OR10W1: variants seen among roughly 807,000 people sequenced by gnomAD.
OR10W1 encodes the protein olfactory receptor family 10 subfamily W member 1.
For missense variants in OR10W1, 406 were observed against 365.8 expected, an observed-to-expected ratio of 1.11 and a Z score of -0.90; for synonymous variants, 152 against 151.6, an observed-to-expected ratio of 1.00 and a Z score of -0.02.
In OR10W1 at chr11:58,267,319, A is replaced by G. The variant is rs762039053; in HGVS notation, c.540T>C (p.Cys180=). 2 of 1,614,142 alleles carry G rather than the reference A, an allele frequency of 1.2e-6. No individual in the cohort carries two copies. Among genetic ancestry groups the G allele is most frequent in the East Asian group, 2.2e-5 (1 of 44,834 alleles). Residue 180 remains cysteine, a synonymous_variant, in exon 1 of 1, where the codon TGT becomes TGC. Transcript: ENST00000395079. ...CDVPPVMHVV[C]AQSHIHEQSV... The stretch of plus-strand genomic sequence containing the variant: ...ACTGCTCATGAATGTGACTCTGAGC[A>G]CAAACAACATGCATGACTGGTGGCA...
Position 58,267,142 on chromosome 11 carries a change from C to A in OR10W1, c.717G>T (p.Val239=). 1 of 1,614,082 alleles carries A rather than the reference C, an allele frequency of 6.2e-7. No homozygotes were observed. The highest frequency in any genetic ancestry group is 8.5e-7 in the Non-Finnish European group (1 of 1,179,980). ...AGGCACAGCAGCCATACTGCAGCAG[C>A]ACCACAGTGAGGTGGGAAGAGCAGG... The part of the protein sequence containing the change: ...FSTCSSHLTV[V]LLQYGCCAFM... The change falls in exon 1 of 1, where the codon GTG becomes GTT. Residue 239 remains valine (V), a synonymous_variant. Transcript: ENST00000395079.
Position 58,268,145 on chromosome 11 carries a change from T to G in OR10W1, c.-287A>C. The G allele has an allele frequency of 2.8e-6, 1 of 356,748 alleles. No individual in the cohort carries two copies. The highest frequency in any genetic ancestry group is 4.6e-5 in the East Asian group (1 of 21,608). The allele number at this position is 356,748 out of a possible 1,614,324, so 22.1% of individuals were successfully genotyped here. ...TATTGAAGAAAAATGGCAGAGGAAG[T>G]GGGTGGGATTCAGGAGCTATTTTCA... On this transcript the variant is annotated 5_prime_UTR_variant, in exon 1 of 1. Coordinates refer to ENST00000395079, the MANE Select transcript of OR10W1 (RefSeq NM_207374.3).
In OR10W1 at chr11:58,267,388, C is replaced by T. The variant is rs376695650; in HGVS notation, c.471G>A (p.Leu157=). Reference sequence around the variant, plus strand: ...CAATGCCCTGAGCCTGGCAGAATGGCAGAGAGAAGATGAAGGCCACCAGTT... The same window carrying T: ...CAATGCCCTGAGCCTGGCAGAATGGTAGAGAGAAGATGAAGGCCACCAGTT... ...SLQLVAFIFS[L]PFCQAQGIEH... The change falls in exon 1 of 1, where the codon CTG becomes CTA. Residue 157 remains leucine, a synonymous_variant. Coordinates refer to ENST00000395079, the MANE Select transcript of OR10W1 (RefSeq NM_207374.3). 9 of 1,613,694 alleles carry T rather than the reference C, an allele frequency of 5.6e-6. No homozygotes were observed. In the South Asian group the frequency reaches 8.8e-5, roughly 16 times the overall value.
At position 58,267,865 on chromosome 11, in the gene OR10W1, T is replaced by C. The variant is rs1853564692; in HGVS notation, c.-7A>G. 1 of 1,604,284 alleles carries C rather than the reference T, an allele frequency of 6.2e-7. No homozygotes were observed. Among genetic ancestry groups the C allele is most frequent in the African/African-American group, 1.3e-5 (1 of 74,720 alleles). ...CCAGGAACACAAATTCCATCAACACTGAGTGATTTTCCCAGGTAATTGAGC... is the reference window on the plus strand; with the variant it reads ...CCAGGAACACAAATTCCATCAACACCGAGTGATTTTCCCAGGTAATTGAGC... On this transcript the variant is annotated 5_prime_UTR_variant, in exon 1 of 1. Transcript: ENST00000395079.
rs749367107 is a variant in OR10W1 at position 58,267,607 on chromosome 11, A to G, written c.252T>C (p.Thr84=). ...ANTLQSEKTI[T]LLGCATQMAF... The stretch of plus-strand genomic sequence containing the variant: ...CCATCTGGGTGGCACAGCCCAGGAG[A>G]GTGATGGTCTTCTCTGACTGTAGGG... Residue 84 remains threonine, a synonymous_variant, in exon 1 of 1, where the codon ACT becomes ACC. Coordinates refer to ENST00000395079, the MANE Select transcript of OR10W1 (RefSeq NM_207374.3). The G allele has an allele frequency of 6.2e-7, 1 of 1,614,104 alleles. No individual in the cohort carries two copies. The highest frequency in any genetic ancestry group is 8.5e-7 in the Non-Finnish European group (1 of 1,180,010).
rs758935203 is a variant in OR10W1, at chr11:58,267,484, G to A, written c.375C>T (p.Leu125=). Residue 125 remains leucine, a synonymous_variant, in exon 1 of 1, where the codon CTC becomes CTT. Coordinates refer to ENST00000395079, the MANE Select transcript of OR10W1 (RefSeq NM_207374.3). ...VAICHPLQYP[L]LMTLTLCVHL... ...GGACACAAAGAGTCAATGTCATGAG[G>A]AGAGGGTACTGCAACGGGTGGCAAA... 10 of 1,613,992 alleles carry A rather than the reference G, an allele frequency of 6.2e-6. No homozygotes were observed. Among genetic ancestry groups the A allele is most frequent in the Middle Eastern group, 1.6e-4 (1 of 6,084 alleles).
In OR10W1 at chr11:58,267,704, T is replaced by G; in HGVS notation, c.155A>C (p.Tyr52Ser). 1 of 1,614,008 alleles carries G rather than the reference T, an allele frequency of 6.2e-7. No individual in the cohort carries two copies. The highest frequency in any genetic ancestry group is 1.1e-5 in the South Asian group (1 of 91,070). ...AATCCCAGAAAGGCTGCCCAGGAAA[T>G]AGTACATGGATGTGCATAGACAGGT... ...TETCLCTSMY[Y>S]FLGSLSGIEI... is the part of the protein sequence containing the mutation. The change falls in exon 1 of 1, where the codon TAT (tyrosine) becomes TCT (serine). Residue 52 changes from tyrosine (Y) to serine (S), a missense_variant. Physicochemically the swap from Tyr to Ser is moderately radical, Grantham distance 144 (BLOSUM62 -2). Transcript: ENST00000395079.
rs1228953855 is a variant in OR10W1, at chr11:58,267,941, T to C, written c.-83A>G. 8 of 985,572 alleles carry C rather than the reference T, an allele frequency of 8.1e-6. No homozygotes were observed. Among genetic ancestry groups the C allele is most frequent in the African/African-American group, 8.1e-5 (5 of 61,606 alleles). The allele number at this position is 985,572 out of a possible 1,614,324, so 61.1% of individuals were successfully genotyped here. A position where few individuals can be genotyped will look rare whatever the true frequency, so the allele number is the denominator to read the frequency against. ...ACAAGTACAGAAGGAAGAATCAGAC[T>C]GAAGATAAATTAAGTTACACTCTGA... On this transcript the variant is annotated 5_prime_UTR_variant, in exon 1 of 1. Coordinates refer to ENST00000395079, the MANE Select transcript of OR10W1 (RefSeq NM_207374.3).
rs748314637 is a variant in OR10W1, at chr11:58,267,596, C to G, written c.263G>C (p.Cys88Ser). The change falls in exon 1 of 1, where the codon TGT becomes TCT. Residue 88 changes from cysteine (C) to serine (S), a missense_variant. Cys to Ser is a moderately radical substitution (Grantham distance 112). Transcript: ENST00000395079. ...AATGAAGAAAGCCATCTGGGTGGCA[C>G]AGCCCAGGAGAGTGATGGTCTTCTC... ...QSEKTITLLG[C>S]ATQMAFFIAL... is the part of the protein sequence containing the mutation. 2 of 1,614,154 alleles carry G rather than the reference C, an allele frequency of 1.2e-6. No homozygotes were observed. Among genetic ancestry groups the G allele is most frequent in the Admixed American group, 1.7e-5 (1 of 59,996 alleles).
rs762521626 is a variant in OR10W1, at chr11:58,267,868, G to C, written c.-10C>G. ...GGAACACAAATTCCATCAACACTGAGTGATTTTCCCAGGTAATTGAGCTAA... is the reference window on the plus strand; with the variant it reads ...GGAACACAAATTCCATCAACACTGACTGATTTTCCCAGGTAATTGAGCTAA... On this transcript the variant is annotated 5_prime_UTR_variant, in exon 1 of 1. Coordinates refer to ENST00000395079, the MANE Select transcript of OR10W1 (RefSeq NM_207374.3). 10 of 1,602,304 alleles carry C rather than the reference G, an allele frequency of 6.2e-6. No homozygotes were observed. The South Asian group carries it at 1.1e-4, about 18-fold the overall frequency.
chr11:58,267,174 A>G lies in OR10W1; in HGVS notation c.685T>C (p.Phe229Leu), dbSNP rs1315618004. 1 of 1,614,058 alleles carries G rather than the reference A, an allele frequency of 6.2e-7. No individual in the cohort carries two copies. The highest frequency in any genetic ancestry group is 1.3e-5 in the African/African-American group (1 of 74,920). ...IHSAAGRHRA[F>L]STCSSHLTVV... ...GTGAGGTGGGAAGAGCAGGTGGAGAAGGCCCGGTGGCGGCCAGCAGCCGAG... is the reference window on the plus strand; with the variant it reads ...GTGAGGTGGGAAGAGCAGGTGGAGAGGGCCCGGTGGCGGCCAGCAGCCGAG... Residue 229 changes from phenylalanine (F) to leucine (L), a missense_variant, in exon 1 of 1, where the codon TTC (phenylalanine) becomes CTC (leucine). Coordinates refer to ENST00000395079, the MANE Select transcript of OR10W1 (RefSeq NM_207374.3).
chr11:58,267,301 A>G lies in OR10W1; in HGVS notation c.558T>C (p.His186=). The G allele has an allele frequency of 1.2e-6, 2 of 1,614,164 alleles. No homozygotes were observed. Among genetic ancestry groups the G allele is most frequent in the Non-Finnish European group, 1.7e-6 (2 of 1,180,008 alleles). The change falls in exon 1 of 1, where the codon CAT becomes CAC. Residue 186 remains histidine (H), a synonymous_variant. Coordinates refer to ENST00000395079, the MANE Select transcript of OR10W1 (RefSeq NM_207374.3). The part of the protein sequence containing the change: ...MHVVCAQSHI[H]EQSVLVAAIL... ...TGGCTGCCACCAGCACTGACTGCTC[A>G]TGAATGTGACTCTGAGCACAAACAA...
In OR10W1 at chr11:58,268,058, C is replaced by A; in HGVS notation, c.-200G>T. On this transcript the variant is annotated 5_prime_UTR_variant, in exon 1 of 1. Coordinates refer to ENST00000395079, the MANE Select transcript of OR10W1 (RefSeq NM_207374.3). Reference sequence around the variant, plus strand: ...TTTCTCCACTTTTACCAAGTTTCTCCACATTAATATCTACACCTCAATTTC... The same window carrying A: ...TTTCTCCACTTTTACCAAGTTTCTCAACATTAATATCTACACCTCAATTTC... 1 of 570,846 alleles carries A rather than the reference C, an allele frequency of 1.8e-6. No individual in the cohort carries two copies. Among genetic ancestry groups the A allele is most frequent in the Non-Finnish European group, 3.2e-6 (1 of 313,192 alleles). The allele number at this position is 570,846 out of a possible 1,614,324, so 35.4% of individuals were successfully genotyped here.
rs2120165265 is a variant in OR10W1, at chr11:58,267,560, C to T, written c.299G>A (p.Ser100Asn). 4 of 1,614,174 alleles carry T rather than the reference C, an allele frequency of 2.5e-6. No individual in the cohort carries two copies. The highest frequency in any genetic ancestry group is 3.4e-6 in the Non-Finnish European group (4 of 1,180,026). Residue 100 changes from serine to asparagine, a missense_variant, in exon 1 of 1, where the codon AGT (serine) becomes AAT (asparagine). By Grantham distance (46) the Ser-to-Asn change is conservative. Coordinates refer to ENST00000395079, the MANE Select transcript of OR10W1 (RefSeq NM_207374.3). Reference protein sequence around the residue: ...TQMAFFIALGSADCFLLAAMA... With the variant: ...TQMAFFIALGNADCFLLAAMA... ...GGCAGCCAAGAGGAAGCAATCAGCACTGCCCAGTGCAATGAAGAAAGCCAT... is the reference window on the plus strand; with the variant it reads ...GGCAGCCAAGAGGAAGCAATCAGCATTGCCCAGTGCAATGAAGAAAGCCAT...
rs1296241727 is a variant in OR10W1 at position 58,267,644 on chromosome 11, A to G, written c.215T>C (p.Ile72Thr). Residue 72 changes from isoleucine to threonine, a missense_variant, in exon 1 of 1, where the codon ATC becomes ACC. Transcript: ENST00000395079. Reference protein sequence around the residue: ...ICYTAVVVPHILANTLQSEKT... With the variant: ...ICYTAVVVPHTLANTLQSEKT... ...CTCTGACTGTAGGGTGTTGGCCAGG[A>G]TATGGGGCACCACCACTGCAGTGTA... The G allele has an allele frequency of 7.4e-6, 12 of 1,614,058 alleles. No individual in the cohort carries two copies. In the Admixed American group the frequency reaches 1.8e-4, roughly 25 times the overall value.
Position 58,267,890 on chromosome 11 carries a change from C to T in OR10W1, c.-32G>A. The T allele has an allele frequency of 6.6e-7, 1 of 1,513,060 alleles. No individual in the cohort carries two copies. The highest frequency in any genetic ancestry group is 9.1e-7 in the Non-Finnish European group (1 of 1,094,884). 93.7% of individuals were successfully genotyped at this position (1,513,060 alleles called of 1,614,324 possible). On this transcript the variant is annotated 5_prime_UTR_variant, in exon 1 of 1. Transcript: ENST00000395079. ...TGAGTGATTTTCCCAGGTAATTGAGCTAACAGTATTTCTCTGTGGAGAGCT... is the reference window on the plus strand; with the variant it reads ...TGAGTGATTTTCCCAGGTAATTGAGTTAACAGTATTTCTCTGTGGAGAGCT...
rs1853547406 is a variant in OR10W1 at position 58,266,866 on chromosome 11, T to C, written c.*75A>G. ...TTAGATGAGTTTTAACACCAAATGA[T>C]AGAAATCTCAGTTTCATACAGATTT... On this transcript the variant is annotated 3_prime_UTR_variant, in exon 1 of 1. Coordinates refer to ENST00000395079, the MANE Select transcript of OR10W1 (RefSeq NM_207374.3). 1.4e-5 allele frequency: 17 copies of C among 1,190,042 alleles called. No individual in the cohort carries two copies. The highest frequency in any genetic ancestry group is 2.4e-5 in the East Asian group (1 of 42,304). The allele number at this position is 1,190,042 out of a possible 1,614,324, so 73.7% of individuals were successfully genotyped here. A position where few individuals can be genotyped will look rare whatever the true frequency, so the allele number is the denominator to read the frequency against.
In OR10W1 at chr11:58,267,252, A is replaced by G; in HGVS notation, c.607T>C (p.Phe203Leu). The change falls in exon 1 of 1, where the codon TTC (phenylalanine) becomes CTC (leucine). Residue 203 changes from phenylalanine to leucine, a missense_variant. Phe to Leu is a conservative substitution (Grantham distance 22, BLOSUM62 0). Coordinates refer to ENST00000395079, the MANE Select transcript of OR10W1 (RefSeq NM_207374.3). ...AAILAIAVPF[F>L]LITTSYTFIV... Reference sequence around the variant, plus strand: ...AAGGTGTAGGAGGTGGTGATGAGGAAGAAAGGCACAGCAATGGCTAGTATG... The same window carrying G: ...AAGGTGTAGGAGGTGGTGATGAGGAGGAAAGGCACAGCAATGGCTAGTATG... 1.2e-6 allele frequency: 2 copies of G among 1,614,200 alleles called. No homozygotes were observed. The highest frequency in any genetic ancestry group is 8.5e-7 in the Non-Finnish European group (1 of 1,180,022).
Position 58,267,705 on chromosome 11 carries a change from A to G in OR10W1, c.154T>C (p.Tyr52His). The change falls in exon 1 of 1, where the codon TAT becomes CAT. Residue 52 changes from tyrosine (Y) to histidine (H), a missense_variant. Tyr to His is a moderately conservative substitution (Grantham distance 83). Coordinates refer to ENST00000395079, the MANE Select transcript of OR10W1 (RefSeq NM_207374.3). ...ATCCCAGAAAGGCTGCCCAGGAAAT[A>G]GTACATGGATGTGCATAGACAGGTT... is the stretch of plus-strand genomic sequence containing the variant. ...TETCLCTSMY[Y>H]FLGSLSGIEI... The G allele has an allele frequency of 6.2e-7, 1 of 1,614,212 alleles. No individual in the cohort carries two copies. The highest frequency in any genetic ancestry group is 8.5e-7 in the Non-Finnish European group (1 of 1,180,036).
Sources: gnomAD v4.1 joint callset for allele counts on GRCh38, gnomAD v4.1.1 for gene constraint, MANE v1.5 for transcripts, NCBI Gene and HGNC (gene_info 2026-07-23, HGNC 2026-07-21) for gene names.